REX1BD: variants seen among roughly 807,000 people sequenced by gnomAD.
REX1BD encodes required for excision 1-B domain containing, also known as required for excision 1-B domain-containing protein.
Under a neutral mutation model 24.4 loss-of-function variants are expected in REX1BD, and 22 were observed. The observed-to-expected ratio is 0.90, with a 90% confidence interval of 0.64 to 1.29. REX1BD has a LOEUF of 1.29. REX1BD is among the 50% of genes most tolerant of loss of function. REX1BD has a pLI of 0.00. For synonymous variants in REX1BD, 146 were observed against 125.9 expected, an observed-to-expected ratio of 1.16 and a Z score of -1.07; for missense variants, 293 against 285.3, an observed-to-expected ratio of 1.03 and a Z score of -0.19.
At chr19:18,588,963 T>A (rs1975975143) in intron 1 of REX1BD, 32 bp from the exon 2 acceptor site, 2 of 1,524,012 alleles carry the variant, frequency 1.3e-6, no homozygotes, top group Non-Finnish European at 1.8e-6. Flanking sequence ...GGGCGCGGGC[T>A]TCATGCCCCA....
At position 18,589,684 on chromosome 19, in the gene REX1BD, G is replaced by A; in HGVS notation, c.453+1G>A. ...GCTGGAGCAGACGCGGCTGGGCACG[G>A]TGAGGCCACCACCCCTTCCCCGCCG... On this transcript the variant is annotated splice_donor_variant, in intron 3 of 4. Transcript: ENST00000358607. LOFTEE classifies it high-confidence loss of function. The A allele has an allele frequency of 1.4e-6, 2 of 1,471,262 alleles. No individual in the cohort carries two copies. The highest frequency in any genetic ancestry group is 1.4e-5 in the African/African-American group (1 of 71,074). The allele number at this position is 1,471,262 out of a possible 1,614,324, so 91.1% of individuals were successfully genotyped here. A position where few individuals can be genotyped will look rare whatever the true frequency, so the allele number is the denominator to read the frequency against.
chr19:18,589,864 A>C, intron 3 of REX1BD, 181 bp downstream of exon 3: 1 of 929,126 alleles, frequency 1.1e-6, no homozygotes, highest in East Asian at 3.1e-5. Flanking sequence ...TCTGCTGTTC[A>C]TCCCCAATTT....
intron 4 of REX1BD, 167 bp downstream of exon 4, chr19:18,591,100 C>G: frequency 1.6e-6 from 1 of 606,836 alleles, no homozygotes. Flanking sequence ...AACTTCACAT[C>G]AGTTTCGCTG....
In REX1BD at chr19:18,589,663, G is replaced by C. The variant is rs772710765; in HGVS notation, c.433G>C (p.Glu145Gln). The C allele has an allele frequency of 1.3e-6, 2 of 1,489,202 alleles. No homozygotes were observed. Among genetic ancestry groups the C allele is most frequent in the African/African-American group, 2.8e-5 (2 of 71,610 alleles). 92.2% of individuals were successfully genotyped at this position (1,489,202 alleles called of 1,614,324 possible). Reference protein sequence around the residue: ...AGHVRSLQELEQTRLGTVALL... With the variant: ...AGHVRSLQELQQTRLGTVALL... ...CCACGTGCGCAGCCTGCAGGAGCTGGAGCAGACGCGGCTGGGCACGGTGAG... is the reference window on the plus strand; with the variant it reads ...CCACGTGCGCAGCCTGCAGGAGCTGCAGCAGACGCGGCTGGGCACGGTGAG... Residue 145 changes from glutamate (E) to glutamine (Q), a missense_variant, in exon 3 of 5, where the codon GAG becomes CAG. Coordinates refer to ENST00000358607, the MANE Select transcript of REX1BD (RefSeq NM_001100418.2).
In REX1BD at chr19:18,589,539, A is replaced by G; in HGVS notation, c.309A>G (p.Thr103=). ...ACGACTTCGCGCGCTACCGGAGCAC[A>G]GTGCACGGGGTGACCCAGGCCTTCG... The part of the protein sequence containing the change: ...PDYDFARYRS[T]VHGVTQAFAA... The change falls in exon 3 of 5, where the codon ACA becomes ACG. Residue 103 remains threonine (T), a synonymous_variant. Transcript: ENST00000358607. The G allele has an allele frequency of 6.3e-7, 1 of 1,578,672 alleles. No homozygotes were observed. Among genetic ancestry groups the G allele is most frequent in the Non-Finnish European group, 8.6e-7 (1 of 1,169,222 alleles).
At position 18,589,602 on chromosome 19, in the gene REX1BD, G is replaced by C; in HGVS notation, c.372G>C (p.Glu124Asp). 1 of 1,538,942 alleles carries C rather than the reference G, an allele frequency of 6.5e-7. No homozygotes were observed. The highest frequency in any genetic ancestry group is 8.7e-7 in the Non-Finnish European group (1 of 1,149,286). The change falls in exon 3 of 5, where the codon GAG becomes GAC. Residue 124 changes from glutamate to aspartate, a missense_variant. By Grantham distance (45) the Glu-to-Asp change is conservative. Transcript: ENST00000358607. ...ASREVLAVEA[E>D]LGGPRRQPLL... ...GGGAGGTGCTGGCGGTGGAAGCAGA[G>C]CTGGGCGGGCCTCGCAGGCAGCCGC...
chr19:18,588,915 A>ACCCGTT lies in REX1BD; in HGVS notation c.99+15_99+16insCCCGTT, dbSNP rs1975974081. 2 of 1,527,298 alleles carry ACCCGTT rather than the reference A, an allele frequency of 1.3e-6. No individual in the cohort carries two copies. The highest frequency in any genetic ancestry group is 2.3e-4 in the Middle Eastern group (1 of 4,340). 94.6% of individuals were successfully genotyped at this position (1,527,298 alleles called of 1,614,324 possible). On this transcript the variant is annotated intron_variant, in intron 1 of 4. Transcript: ENST00000358607. ...CGTGGCCCTGGGTGAGCCCAGGCCC[A>ACCCGTT]AGCGGGAACGGGCGCGGGGCGGGCG... is the stretch of plus-strand genomic sequence containing the variant.
In REX1BD at chr19:18,592,212, T is replaced by C. The variant is rs1976058266; in HGVS notation, c.*32T>C. ...CTCCCCAGGGATGCGCCGAGGGAGA[T>C]GGGAAACGGGGCGGATGGCGCCCAG... On this transcript the variant is annotated 3_prime_UTR_variant, in exon 5 of 5. Transcript: ENST00000358607. 1 of 1,613,352 alleles carries C rather than the reference T, an allele frequency of 6.2e-7. No homozygotes were observed. The highest frequency in any genetic ancestry group is 1.3e-5 in the African/African-American group (1 of 74,898).
chr19:18,590,557 G>A, intron 3 of REX1BD: 1 of 317,810 alleles, frequency 3.1e-6, no homozygotes, highest in Non-Finnish European at 5.9e-6. Context: ...CCCGTCCCTG[G>A]GACCATGAGG....
In REX1BD at chr19:18,592,209, A is replaced by C; in HGVS notation, c.*29A>C. ...CGGCTCCCCAGGGATGCGCCGAGGG[A>C]GATGGGAAACGGGGCGGATGGCGCC... On this transcript the variant is annotated 3_prime_UTR_variant, in exon 5 of 5. Transcript: ENST00000358607. 6.2e-7 allele frequency: 1 copy of C among 1,613,514 alleles called. No individual in the cohort carries two copies. Among genetic ancestry groups the C allele is most frequent in the Non-Finnish European group, 8.5e-7 (1 of 1,179,726 alleles).
Position 18,588,890 on chromosome 19 carries a change from C to T in REX1BD, c.89C>T (p.Ala30Val), listed in dbSNP as rs1214500913. ...GAAGCTCGGGGACGCGAGGAGCCGG[C>T]GTGGCCCTGGGTGAGCCCAGGCCCA... ...ATEARGREEPAWPWKDAPIRT... is the reference protein window; with the variant it reads ...ATEARGREEPVWPWKDAPIRT... Residue 30 changes from alanine (A) to valine (V), a missense_variant, in exon 1 of 5, where the codon GCG becomes GTG. By Grantham distance (64) the Ala-to-Val change is moderately conservative. Coordinates refer to ENST00000358607, the MANE Select transcript of REX1BD (RefSeq NM_001100418.2). The T allele has an allele frequency of 6.5e-7, 1 of 1,532,264 alleles. No individual in the cohort carries two copies. 94.9% of individuals were successfully genotyped at this position (1,532,264 alleles called of 1,614,324 possible).
At chr19:18,589,162 A>G (rs971756596) in intron 2 of REX1BD, 85 bp downstream of exon 2, 92 of 1,468,374 alleles carry the variant, frequency 6.3e-5, no homozygotes, top group Non-Finnish European at 8.0e-5. Context: ...TGCCTGGAGG[A>G]GGAGCTGGGT....
Position 18,592,129 on chromosome 19 carries a change from G to T in REX1BD, c.555G>T (p.Ala185=). Residue 185 remains alanine (A), a synonymous_variant, in exon 5 of 5, where the codon GCG becomes GCT. Transcript: ENST00000358607. ...LKMKVIKTME[A]ISEVLQDLRF... is the part of the protein sequence containing the mutation. ...GTAGGGTAATTAAAACCATGGAGGC[G>T]ATCAGCGAGGTTCTCCAGGACCTTA... 3.7e-6 allele frequency: 6 copies of T among 1,614,064 alleles called. No homozygotes were observed. Among genetic ancestry groups the T allele is most frequent in the Admixed American group, 1.7e-5 (1 of 60,028 alleles).
At position 18,589,503 on chromosome 19, in the gene REX1BD, C is replaced by T; in HGVS notation, c.273C>T (p.Ser91=). The change falls in exon 3 of 5, where the codon AGC becomes AGT. Residue 91 remains serine (S), a synonymous_variant. Transcript: ENST00000358607. Reference sequence around the variant, plus strand: ...GAGGCCACCGCCAGTACCTGCGCAGCGGCCCTGACTACGACTTCGCGCGCT... The same window carrying T: ...GAGGCCACCGCCAGTACCTGCGCAGTGGCCCTGACTACGACTTCGCGCGCT... ...CRRGHRQYLR[S]GPDYDFARYR... The T allele has an allele frequency of 6.4e-7, 1 of 1,571,486 alleles. No homozygotes were observed. The highest frequency in any genetic ancestry group is 1.2e-5 in the South Asian group (1 of 86,316).
intron 4 of REX1BD, 29 bp from the exon 5 acceptor site, chr19:18,592,079 T>C: frequency 3.1e-6 from 5 of 1,613,470 alleles, no homozygotes; most frequent in Non-Finnish European, 4.2e-6. Context: ...CATCTGGGTT[T>C]TATTTATAGT....
rs756805887 is a variant in REX1BD, at chr19:18,589,366, C to T, written c.183-47C>T. ...GTCAGGAAGCGTCCTTCCTACCTAC[C>T]AGTCCTCCCCTCTGGTGTCTGGGGA... On this transcript the variant is annotated intron_variant, in intron 2 of 4. Transcript: ENST00000358607. 3.2e-6 allele frequency: 5 copies of T among 1,550,956 alleles called. No homozygotes were observed. In the South Asian group the frequency reaches 6.0e-5, roughly 18 times the overall value.
Position 18,589,499 on chromosome 19 carries a change from G to T in REX1BD, c.269G>T (p.Arg90Leu), listed in dbSNP as rs1329034860. 7 of 1,569,568 alleles carry T rather than the reference G, an allele frequency of 4.5e-6. No homozygotes were observed. In the Admixed American group the frequency reaches 7.4e-5, roughly 16 times the overall value. ...CGCAGAGGCCACCGCCAGTACCTGC[G>T]CAGCGGCCCTGACTACGACTTCGCG... ...TCRRGHRQYL[R>L]SGPDYDFARY... The change falls in exon 3 of 5, where the codon CGC (arginine) becomes CTC (leucine). Residue 90 changes from arginine (R) to leucine (L), a missense_variant. By Grantham distance (102) the Arg-to-Leu change is moderately radical. Transcript: ENST00000358607.
intron 3 of REX1BD, chr19:18,590,218 T>G (rs1315751821): frequency 8.7e-6 from 1 of 114,612 alleles, no homozygotes; most frequent in Admixed American, 8.3e-5. Context: ...TCTGGTGTTT[T>G]TTTTTTTTTT....
At chr19:18,589,261 C>A (rs1053201589) in intron 2 of REX1BD, 152 bp from the exon 3 acceptor site, 1 of 1,535,868 alleles carries the variant, frequency 6.5e-7, no homozygotes. Context: ...CACGTCCCCA[C>A]TACCCGACGA....
Sources: allele counts gnomAD v4.1 joint callset, GRCh38; gene constraint gnomAD v4.1.1; transcripts MANE v1.5; gene names NCBI Gene and HGNC (gene_info 2026-07-23, HGNC 2026-07-21).